The following SLC24A2 variants were observed in gnomAD, a reference collection of about 807,000 sequenced individuals.
SLC24A2 encodes sodium/potassium/calcium exchanger 2.
Under a neutral mutation model 62.0 loss-of-function variants are expected in SLC24A2, and 36 were observed. That is an observed-to-expected ratio of 0.58 (90% CI 0.44 to 0.77). The LOEUF (loss-of-function observed/expected upper bound fraction) is 0.77. Ranked by LOEUF, SLC24A2 falls within the 30% of genes least tolerant of loss-of-function variation. The pLI, the probability that SLC24A2 is intolerant of heterozygous loss-of-function variation, is 0.00. For synonymous variants in SLC24A2, 358 were observed against 294.0 expected (o/e 1.22, Z -2.23); for missense variants, 846 against 817.9 (o/e 1.03, Z -0.42).
chr9:20,164,716 A>G, the SLC24A2 span, among the ~76,000 whole-genome samples: 3 of 152,016 alleles, frequency 2.0e-5, no homozygotes, highest in African/African-American at 7.3e-5. Context: ...TCACAATAGC[A>G]AAGACTTGGA....
intron 2 of SLC24A2, among the ~76,000 whole-genome samples, chr9:19,741,143 C>T (rs1251472519): frequency 6.6e-6 from 1 of 152,154 alleles, no homozygotes; most frequent in African/African-American, 2.4e-5. Flanking sequence ...GCTAATCTTG[C>T]CTGAAAAATT....
At chr9:19,731,668 T>C (rs950510492) in intron 2 of SLC24A2, among the ~76,000 whole-genome samples, 2 of 152,188 alleles carry the variant, frequency 1.3e-5, no homozygotes, top group South Asian at 2.1e-4. Context: ...CTGTGAGACA[T>C]AGATTTCTGC....
chr9:19,774,276 G>A (rs373938679), intron 2 of SLC24A2, among the ~76,000 whole-genome samples: 157 of 152,242 alleles, frequency 1.0e-3, no homozygotes, highest in African/African-American at 3.2e-3. Flanking sequence ...CCCTCCCTAT[G>A]AGGAAAATGC....
rs1201488007 is a variant in SLC24A2, at chr9:19,656,058, G to A, written c.931-33759C>T. ...AAAGCCTCGTCTGCAATTATGACAAGTGGGCCCTTTCAGAATTATTTGTGC... is the reference window on the plus strand; with the variant it reads ...AAAGCCTCGTCTGCAATTATGACAAATGGGCCCTTTCAGAATTATTTGTGC... On this transcript the variant is annotated intron_variant, in intron 2 of 10. Transcript: ENST00000341998. Among the ~76,000 whole-genome samples, 13 of 152,254 alleles carry A rather than the reference G, an allele frequency of 8.5e-5. No individual in the cohort carries two copies. The East Asian group carries it at 2.1e-3, about 25-fold the overall frequency.
chr9:20,257,500 G>A, the SLC24A2 span, among the ~76,000 whole-genome samples: 17 of 112,886 alleles, frequency 1.5e-4, no homozygotes, highest in African/African-American at 4.9e-4. Flanking sequence ...CTGGTGTTAG[G>A]ACTGGTGTTA....
chr9:19,613,160 C>T (rs1817666910), intron 4 of SLC24A2, among the ~76,000 whole-genome samples: 1 of 152,202 alleles, frequency 6.6e-6, no homozygotes, highest in Non-Finnish European at 1.5e-5. Context: ...CACTTTTTAA[C>T]AACTTTGTTA....
intron 2 of SLC24A2, among the ~76,000 whole-genome samples, chr9:19,700,112 T>G (rs377164498): frequency 2.0e-4 from 30 of 152,202 alleles, no homozygotes; most frequent in African/African-American, 7.0e-4. Flanking sequence ...ACTATATAAA[T>G]GCAAGCTATG....
At chr9:20,101,647 G>A in the SLC24A2 span, among the ~76,000 whole-genome samples, 14,485 of 152,184 alleles carry the variant, frequency 0.095, 1,454 homozygotes, top group East Asian at 0.53. Flanking sequence ...AGTTTCCGGG[G>A]AGAAAAGGAA....
the SLC24A2 span, among the ~76,000 whole-genome samples, chr9:19,984,934 G>C: frequency 2.8e-4 from 43 of 151,712 alleles, no homozygotes; most frequent in African/African-American, 1.0e-3. Context: ...AAATTTTTCT[G>C]TAAAACTAAA....
the SLC24A2 span, among the ~76,000 whole-genome samples, chr9:20,246,450 C>A: frequency 0.18 from 27,353 of 152,056 alleles, 2,580 homozygotes; most frequent in African/African-American, 0.23. Context: ...GCAAAGCACC[C>A]TATAAACATG....
the SLC24A2 span, among the ~76,000 whole-genome samples, chr9:19,959,558 C>A: frequency 6.6e-6 from 1 of 152,168 alleles, no homozygotes. Flanking sequence ...TTAGCCCATT[C>A]CTTGGCACAT....
intron 7 of SLC24A2, among the ~76,000 whole-genome samples, chr9:19,556,123 G>T (rs1017960571): frequency 2.6e-5 from 4 of 152,172 alleles, no homozygotes; most frequent in African/African-American, 9.7e-5. Flanking sequence ...TCTACTGGAA[G>T]GGTAAAATCA....
At chr9:19,977,207 T>C in the SLC24A2 span, among the ~76,000 whole-genome samples, 5 of 151,924 alleles carry the variant, frequency 3.3e-5, no homozygotes, top group East Asian at 9.7e-4. Context: ...AAATTGGTGA[T>C]TCTGGATAAA....
At chr9:19,555,181 TC>T (rs1216705582) in intron 7 of SLC24A2, among the ~76,000 whole-genome samples, 62 of 152,016 alleles carry the variant, frequency 4.1e-4, no homozygotes, top group South Asian at 8.3e-4. Flanking sequence ...AAAAAAATTA[TC>T]TTATTCAAGC....
chr9:19,607,513 A>G (rs1435640687), intron 4 of SLC24A2, among the ~76,000 whole-genome samples: 1 of 152,114 alleles, frequency 6.6e-6, no homozygotes, highest in African/African-American at 2.4e-5. Context: ...TGAGGTCAGG[A>G]GTTCGAGACC....
chr9:19,817,627 A>G, the SLC24A2 span, among the ~76,000 whole-genome samples: 3 of 152,216 alleles, frequency 2.0e-5, no homozygotes, highest in Non-Finnish European at 4.4e-5. Context: ...CCTCTTCTAC[A>G]TTATAGCTAA....
chr9:20,303,874 G>A, the SLC24A2 span, among the ~76,000 whole-genome samples: 1 of 152,116 alleles, frequency 6.6e-6, no homozygotes, highest in Admixed American at 6.6e-5. Flanking sequence ...CAGGGCAGGG[G>A]GCTCTCAGCT....
intron 7 of SLC24A2, among the ~76,000 whole-genome samples, chr9:19,564,246 TA>T (rs961405668): frequency 6.8e-4 from 104 of 152,014 alleles, no homozygotes; most frequent in Non-Finnish European, 1.3e-3. Context: ...AAAGAGAAAT[TA>T]AAAAACCACA....
chr9:20,238,118 G>C, the SLC24A2 span, among the ~76,000 whole-genome samples: 1 of 152,168 alleles, frequency 6.6e-6, no homozygotes, highest in Non-Finnish European at 1.5e-5. Flanking sequence ...AGAAGGAAAA[G>C]CCCAGGTCTG....
Sources: allele counts gnomAD v4.1 joint callset (sites outside exome capture counted in the v4.1 genomes callset), GRCh38; gene constraint gnomAD v4.1.1; transcripts MANE v1.5; gene names NCBI Gene and HGNC (gene_info 2026-07-23, HGNC 2026-07-21).